GBX1: variants seen among roughly 807,000 people sequenced by gnomAD.
GBX1 encodes homeobox protein GBX-1.
GBX1 carries 9 observed loss-of-function variants against 22.9 expected under a neutral mutation model. The ratio of observed to expected loss-of-function variants is 0.39; its 90% CI spans 0.24 to 0.69. GBX1 has a LOEUF of 0.69. Ranked by LOEUF, GBX1 falls within the 30% of genes least tolerant of loss-of-function variation. The pLI, the probability that GBX1 is intolerant of heterozygous loss-of-function variation, is 0.43. For missense variants in GBX1, 494 were observed against 509.2 expected (o/e 0.97, Z 0.29); for synonymous variants, 203 against 227.3 (o/e 0.89, Z 0.96).
chr7:151,164,774 CTCT>C, intron 1 of GBX1, among the ~76,000 whole-genome samples: 1 of 51,086 alleles, frequency 2.0e-5, no homozygotes, highest in Middle Eastern at 9.6e-3. Context: ...ACAAATTTCC[CTCT>C]TTTTTTTTTT....
rs1323079594 is a variant in GBX1, at chr7:151,150,077, T to C, written c.539-935A>G. The C allele has an allele frequency of 2.7e-5, 10 of 374,772 alleles. No individual in the cohort carries two copies. In the Admixed American group the frequency reaches 3.6e-4, roughly 14 times the overall value. The allele number at this position is 374,772 out of a possible 1,614,324, so 23.2% of individuals were successfully genotyped here. A position where few individuals can be genotyped will look rare whatever the true frequency, so the allele number is the denominator to read the frequency against. The stretch of plus-strand genomic sequence containing the variant: ...GAGGGAAAAGTGCAACAGGGACAAA[T>C]GAAGAGAAGGAAAGGGTAAAAAAGA... On this transcript the variant is annotated intron_variant, in intron 1 of 1. Transcript: ENST00000297537.
At chr7:151,163,012 G>T (rs1437456016) in intron 1 of GBX1, among the ~76,000 whole-genome samples, 1 of 151,934 alleles carries the variant, frequency 6.6e-6, no homozygotes, top group Admixed American at 6.6e-5. Context: ...CTCCATGTTG[G>T]TCAGGCTAGT....
chr7:151,156,933 A>G (rs541662327), intron 1 of GBX1, among the ~76,000 whole-genome samples: 8 of 147,230 alleles, frequency 5.4e-5, no homozygotes, highest in African/African-American at 1.5e-4. Context: ...TGCAGTGAGC[A>G]GAGATCGCAC....
At chr7:151,159,294 C>T (rs964338278) in intron 1 of GBX1, among the ~76,000 whole-genome samples, 6 of 152,058 alleles carry the variant, frequency 3.9e-5, no homozygotes, top group African/African-American at 1.5e-4. Context: ...CCATGTTGCC[C>T]AGGCTGGTCT....
rs763561424 is a variant in GBX1, at chr7:151,167,158, T to TGGCGGCGGC, written c.382_390dup (p.Ala128_Ala130dup). Reference sequence around the variant, plus strand: ...GGCTCGGGGTTGTTTCGGGCGGCAGTGGCGGCGGCGGCGGCAGCGGCGGCG... The same window carrying TGGCGGCGGC: ...GGCTCGGGGTTGTTTCGGGCGGCAGTGGCGGCGGCGGCGGCGGCGGCGGCAGCGGCGGCG... On this transcript the variant is annotated inframe_insertion, in exon 1 of 2. Transcript: ENST00000297537. The surrounding 1 kb of genome is among the most constrained non-coding windows in gnomAD (Gnocchi z 5.9). 2.3e-5 allele frequency: 36 copies of TGGCGGCGGC among 1,592,036 alleles called. No homozygotes were observed. In the East Asian group the frequency reaches 3.0e-4, roughly 13 times the overall value.
chr7:151,149,108 C>A lies in GBX1; in HGVS notation c.573G>T (p.Lys191Asn), dbSNP rs900131308. ...CTGGGTCTCCTGCTGATGCCTCCAG[C>A]TTCTCCTCATCTGAGCTGTACACCT... The part of the protein sequence containing the change: ...EGKVYSSDEE[K>N]LEASAGDPAG... The change falls in exon 2 of 2, where the codon AAG (lysine) becomes AAT (asparagine). Residue 191 changes from lysine (K) to asparagine (N), a missense_variant. Lys to Asn is a moderately conservative substitution (Grantham distance 94, BLOSUM62 0). This residue lies in a region of GBX1 where 365 missense variants were observed against 340.4 expected (regional missense o/e 1.07). Coordinates refer to ENST00000297537, the MANE Select transcript of GBX1 (RefSeq NM_001098834.3). 36 of 1,610,394 alleles carry A rather than the reference C, an allele frequency of 2.2e-5. No individual in the cohort carries two copies. The highest frequency in any genetic ancestry group is 2.7e-5 in the Non-Finnish European group (32 of 1,180,016).
chr7:151,164,184 T>A (rs1801224499), intron 1 of GBX1, among the ~76,000 whole-genome samples: 1 of 152,238 alleles, frequency 6.6e-6, no homozygotes, highest in Admixed American at 6.5e-5. Flanking sequence ...TTCAGACCCA[T>A]GTCACTCATT....
At chr7:151,165,341 G>T (rs898484645) in intron 1 of GBX1, among the ~76,000 whole-genome samples, 1 of 152,088 alleles carries the variant, frequency 6.6e-6, no homozygotes, top group African/African-American at 2.4e-5. Flanking sequence ...CCACAGTTTG[G>T]GCATATGCCC....
At chr7:151,165,574 C>G (rs989689901) in intron 1 of GBX1, among the ~76,000 whole-genome samples, 1 of 152,158 alleles carries the variant, frequency 6.6e-6, no homozygotes. Context: ...CGCCCTGGGC[C>G]CTTTTATCTT....
chr7:151,150,905 AT>A (rs369550652), intron 1 of GBX1, among the ~76,000 whole-genome samples: 2 of 152,060 alleles, frequency 1.3e-5, no homozygotes, highest in African/African-American at 4.8e-5. Flanking sequence ...AATTCTGTTT[AT>A]TTTTTTGTAG....
rs1416026855 is a variant in GBX1 at position 151,148,963 on chromosome 7, G to A, written c.718C>T (p.Leu240=). ...LGPKPKLKGS[L]GTGAEEGAPV... is the part of the protein sequence containing the mutation. ...GCCCCCTCCTCAGCTCCAGTCCCCA[G>A]GCTTCCCTTTAGCTTCGGTTTAGGT... Residue 240 remains leucine (L), a synonymous_variant, in exon 2 of 2, where the codon CTG becomes TTG. Transcript: ENST00000297537. The surrounding 1 kb of genome is among the most constrained non-coding windows in gnomAD (Gnocchi z 5.1). 1 of 1,613,998 alleles carries A rather than the reference G, an allele frequency of 6.2e-7. No homozygotes were observed. Among genetic ancestry groups the A allele is most frequent in the Non-Finnish European group, 8.5e-7 (1 of 1,180,022 alleles).
chr7:151,148,532 G>T lies in GBX1; in HGVS notation c.*57C>A. The T allele has an allele frequency of 6.6e-7, 1 of 1,506,558 alleles. No homozygotes were observed. Among genetic ancestry groups the T allele is most frequent in the Non-Finnish European group, 9.0e-7 (1 of 1,106,026 alleles). 93.3% of individuals were successfully genotyped at this position (1,506,558 alleles called of 1,614,324 possible). The stretch of plus-strand genomic sequence containing the variant: ...CCCTCTGGTCCACAGAACCCTGACA[G>T]TCTCAGAGCAGGCTCAGGTACAGAT... On this transcript the variant is annotated 3_prime_UTR_variant, in exon 2 of 2. Coordinates refer to ENST00000297537, the MANE Select transcript of GBX1 (RefSeq NM_001098834.3). The surrounding 1 kb of genome is among the most constrained non-coding windows in gnomAD (Gnocchi z 5.1).
chr7:151,163,753 C>T (rs1801212259), intron 1 of GBX1, among the ~76,000 whole-genome samples: 2 of 152,100 alleles, frequency 1.3e-5, no homozygotes, highest in Admixed American at 6.5e-5. Context: ...GCTTTGGGCT[C>T]TTCTATTGAG....
At position 151,167,398 on chromosome 7, in the gene GBX1, G is replaced by A; in HGVS notation, c.151C>T (p.Pro51Ser). The change falls in exon 1 of 2, where the codon CCC becomes TCC. Residue 51 changes from proline to serine, a missense_variant. This residue lies in a region of GBX1 where 365 missense variants were observed against 340.4 expected (regional missense o/e 1.07). Coordinates refer to ENST00000297537, the MANE Select transcript of GBX1 (RefSeq NM_001098834.3). The surrounding 1 kb of genome is among the most constrained non-coding windows in gnomAD (Gnocchi z 5.9). ...LLYTGYPMFM[P>S]YRPLVLPQAL... is the part of the protein sequence containing the mutation. ...TGCGGCAGCACGAGCGGCCGGTAGG[G>A]CATGAACATGGGGTAGCCGGTGTAC... The A allele has an allele frequency of 6.6e-7, 1 of 1,518,256 alleles. No homozygotes were observed. Among genetic ancestry groups the A allele is most frequent in the East Asian group, 2.7e-5 (1 of 36,740 alleles). 94.0% of individuals were successfully genotyped at this position (1,518,256 alleles called of 1,614,324 possible). A position where few individuals can be genotyped will look rare whatever the true frequency, so the allele number is the denominator to read the frequency against.
intron 1 of GBX1, among the ~76,000 whole-genome samples, chr7:151,162,719 G>A (rs1041810606): frequency 6.6e-6 from 1 of 151,614 alleles, no homozygotes; most frequent in South Asian, 2.1e-4. Flanking sequence ...CACTTCCTAA[G>A]CTTTTGCATT....
chr7:151,165,412 A>G (rs967802237), intron 1 of GBX1, among the ~76,000 whole-genome samples: 3 of 152,042 alleles, frequency 2.0e-5, no homozygotes, highest in African/African-American at 7.2e-5. Flanking sequence ...ATCTCTTTCT[A>G]TATGTGTCTG....
At position 151,165,163 on chromosome 7, in the gene GBX1, G is replaced by C. The variant is rs567276776; in HGVS notation, c.538+1848C>G. 2.6e-5 allele frequency among the ~76,000 whole-genome samples: 4 copies of C among 151,948 alleles called. No individual in the cohort carries two copies. In the East Asian group the frequency reaches 7.7e-4, roughly 29 times the overall value. On this transcript the variant is annotated intron_variant, in intron 1 of 1. Transcript: ENST00000297537. ...TCCCCTGGTCCTTTCCTCTATTCTT[G>C]TTTCATCAGTATTTCTCTTCTGTTT...
chr7:151,167,585 T>C lies in GBX1; in HGVS notation c.-37A>G. The C allele has an allele frequency of 1.5e-6, 2 of 1,318,992 alleles. No individual in the cohort carries two copies. Among genetic ancestry groups the C allele is most frequent in the Non-Finnish European group, 1.9e-6 (2 of 1,042,768 alleles). The allele number at this position is 1,318,992 out of a possible 1,614,324, so 81.7% of individuals were successfully genotyped here. On this transcript the variant is annotated 5_prime_UTR_variant, in exon 1 of 2. Transcript: ENST00000297537. This position sits in a 1 kb window ranked among gnomAD's most constrained non-coding sequence, Gnocchi z 5.9. ...CTGCGGCCGCCCCGGGGCGCTCCTCTCTGGGCGCCTCCGTGCGCCCCGCGG... is the reference window on the plus strand; with the variant it reads ...CTGCGGCCGCCCCGGGGCGCTCCTCCCTGGGCGCCTCCGTGCGCCCCGCGG...
intron 1 of GBX1, among the ~76,000 whole-genome samples, chr7:151,153,970 G>T (rs1457239399): frequency 6.6e-6 from 1 of 152,192 alleles, no homozygotes; most frequent in African/African-American, 2.4e-5. Context: ...GGGCATGGTG[G>T]TTCATGCCTG....
Sources: gnomAD v4.1 joint callset for allele counts (sites outside exome capture counted in the v4.1 genomes callset) on GRCh38, gnomAD v4.1.1 for gene constraint, gnomAD v4.1.1 regional missense constraint, Gnocchi (gnomAD v3.1) non-coding constraint, MANE v1.5 for transcripts, NCBI Gene and HGNC (gene_info 2026-07-23, HGNC 2026-07-21) for gene names.